MYOM2: variants seen among roughly 807,000 people sequenced by gnomAD.
MYOM2 encodes myomesin 2, also known as myomesin-2.
MYOM2 carries 254 observed loss-of-function variants against 187.6 expected under a neutral mutation model. That is an observed-to-expected ratio of 1.35 (90% CI 1.22 to 1.50). The LOEUF (loss-of-function observed/expected upper bound fraction) is 1.50. Ranked by LOEUF, MYOM2 falls within the 40% of genes most tolerant of loss-of-function variation. The probability of loss-of-function intolerance (pLI) is 0.00; values close to 1 mark genes in which losing one functional copy is unlikely to be tolerated. For missense variants in MYOM2, 2,796 were observed against 1,924.0 expected (o/e 1.45, Z -8.48); for synonymous variants, 981 against 753.8 (o/e 1.30, Z -4.94).
chr8:2,056,825 A>G (rs1234085775), intron 3 of MYOM2, among the ~76,000 whole-genome samples: 1 of 152,178 alleles, frequency 6.6e-6, no homozygotes, highest in Non-Finnish European at 1.5e-5. Context: ...CTGGGAAAGC[A>G]TCAAGCCGTT....
intron 32 of MYOM2, among the ~76,000 whole-genome samples, chr8:2,138,929 TTC>T (rs1226929688): frequency 6.6e-6 from 1 of 151,806 alleles, no homozygotes; most frequent in East Asian, 1.9e-4. Context: ...AACTCCCACT[TTC>T]TATCCGGACA....
intron 21 of MYOM2, among the ~76,000 whole-genome samples, chr8:2,104,639 C>T (rs912865033): frequency 6.6e-6 from 1 of 151,868 alleles, no homozygotes; most frequent in African/African-American, 2.4e-5. Context: ...TTATTTGGCT[C>T]ATGATTCTGG....
Position 2,116,292 on chromosome 8 carries a change from T to C in MYOM2, c.3385+17T>C, listed in dbSNP as rs370643467. 2.7e-5 allele frequency: 43 copies of C among 1,609,246 alleles called. No homozygotes were observed. Among genetic ancestry groups the C allele is most frequent in the Non-Finnish European group, 3.7e-5 (43 of 1,177,524 alleles). On this transcript the variant is annotated intron_variant, in intron 27 of 36. Coordinates refer to ENST00000262113, the MANE Select transcript of MYOM2 (RefSeq NM_003970.4). ...GGAAACAAGGTGAGTTTCCTCACTCTGACCGGCTCCCCTGCCCCTAGCATA... is the reference window on the plus strand; with the variant it reads ...GGAAACAAGGTGAGTTTCCTCACTCCGACCGGCTCCCCTGCCCCTAGCATA...
intron 18 of MYOM2, among the ~76,000 whole-genome samples, chr8:2,097,716 C>G (rs2116760653): frequency 6.6e-6 from 1 of 152,310 alleles, no homozygotes; most frequent in East Asian, 1.9e-4. Context: ...AGGGTTTCAC[C>G]ATGTTGCCCA....
intron 32 of MYOM2, among the ~76,000 whole-genome samples, chr8:2,135,680 C>A (rs1798044571): frequency 6.6e-6 from 1 of 152,118 alleles, no homozygotes; most frequent in African/African-American, 2.4e-5. Context: ...GGAATTTGGT[C>A]ATGTTTTGTA....
In MYOM2 at chr8:2,123,319, C is replaced by A; in HGVS notation, c.3521C>A (p.Thr1174Lys). 6.2e-7 allele frequency: 1 copy of A among 1,614,056 alleles called. No homozygotes were observed. Among genetic ancestry groups the A allele is most frequent in the Non-Finnish European group, 8.5e-7 (1 of 1,179,996 alleles). ...GATGATGTTCTGTATGAAACGGAGA[C>A]ACTGCCTAACCTGGAGAGGGGAATC... is the stretch of plus-strand genomic sequence containing the variant. ...LKDDVLYETE[T>K]LPNLERGICE... The change falls in exon 29 of 37, where the codon ACA becomes AAA. Residue 1174 changes from threonine (T) to lysine (K), a missense_variant. Thr to Lys is a moderately conservative substitution (Grantham distance 78). Transcript: ENST00000262113.
chr8:2,049,034 A>G (rs1054579307), intron 1 of MYOM2, among the ~76,000 whole-genome samples: 1 of 151,748 alleles, frequency 6.6e-6, no homozygotes, highest in Non-Finnish European at 1.5e-5. Context: ...CTCGTGATCC[A>G]CCCGCCTTGG....
At chr8:2,100,029 C>CTTCCTTCT (rs1796631067) in intron 19 of MYOM2, among the ~76,000 whole-genome samples, 1 of 69,156 alleles carries the variant, frequency 1.4e-5, no homozygotes, top group African/African-American at 3.8e-5. Flanking sequence ...TCCTTCCTTC[C>CTTCCTTCT]TTCTTTCCTT....
intron 1 of MYOM2, among the ~76,000 whole-genome samples, chr8:2,047,696 C>A (rs182523079): frequency 2.0e-5 from 3 of 152,204 alleles, no homozygotes; most frequent in African/African-American, 7.2e-5. Context: ...TGGGGATAAA[C>A]GTGGCAAAGT....
chr8:2,085,689 C>T (rs1317602381), intron 14 of MYOM2, among the ~76,000 whole-genome samples: 1 of 21,600 alleles, frequency 4.6e-5, no homozygotes, highest in African/African-American at 2.7e-4. Context: ...GTCGTGATCT[C>T]TGCGTGGCCC....
At chr8:2,143,882 A>T (rs1798365032) in intron 36 of MYOM2, among the ~76,000 whole-genome samples, 1 of 152,164 alleles carries the variant, frequency 6.6e-6, no homozygotes, top group Admixed American at 6.5e-5. Flanking sequence ...TTACAACACG[A>T]AGGAAAAAAA....
intron 1 of MYOM2, among the ~76,000 whole-genome samples, chr8:2,049,721 C>T (rs996589272): frequency 1.3e-5 from 2 of 152,208 alleles, no homozygotes; most frequent in Admixed American, 1.3e-4. Context: ...AAATTAATGA[C>T]TGCAGAGATT....
At chr8:2,079,283 A>T (rs1006206575) in intron 12 of MYOM2, among the ~76,000 whole-genome samples, 5 of 152,134 alleles carry the variant, frequency 3.3e-5, no homozygotes, top group African/African-American at 1.2e-4. Context: ...TTAATTTTGC[A>T]TGACACAGAT....
At position 2,088,594 on chromosome 8, in the gene MYOM2, A is replaced by T. The variant is rs953340280; in HGVS notation, c.1645-1414A>T. ...AGCTGCACCCATGTGGCTGCACAGG[A>T]CATGATTTCTTTCCTCTTTATGGCT... On this transcript the variant is annotated intron_variant, in intron 14 of 36. Coordinates refer to ENST00000262113, the MANE Select transcript of MYOM2 (RefSeq NM_003970.4). Among the ~76,000 whole-genome samples the T allele has an allele frequency of 1.4e-4, 22 of 152,326 alleles. No homozygotes were observed. In the South Asian group the frequency reaches 4.3e-3, roughly 30 times the overall value.
At chr8:2,087,392 G>T (rs1021139719) in intron 14 of MYOM2, among the ~76,000 whole-genome samples, 4 of 152,108 alleles carry the variant, frequency 2.6e-5, no homozygotes, top group African/African-American at 9.7e-5. Context: ...GGCCTTCTCT[G>T]GTTATTTGCA....
chr8:2,085,585 C>CCGCGTGGCCCCACTGTTGTGATCTT (rs1554546551), intron 14 of MYOM2, among the ~76,000 whole-genome samples, 195 bp downstream of exon 14: 1 of 3,610 alleles, frequency 2.8e-4, no homozygotes, highest in Non-Finnish European at 4.4e-4. Flanking sequence ...GTTGTGATCT[C>CCGCGTGGCCCCACTGTTGTGATCTT]TGCGTGGCCC....
At chr8:2,117,225 G>T (rs1319850494) in intron 27 of MYOM2, among the ~76,000 whole-genome samples, 12 of 151,782 alleles carry the variant, frequency 7.9e-5, no homozygotes, top group Non-Finnish European at 1.6e-4. Flanking sequence ...AACATTTTTG[G>T]GCCAACTTTG....
chr8:2,137,722 G>C (rs1172959860), intron 32 of MYOM2, among the ~76,000 whole-genome samples: 1 of 152,152 alleles, frequency 6.6e-6, no homozygotes, highest in East Asian at 1.9e-4. Flanking sequence ...TGTTTCCTTG[G>C]ATGGGGTACA....
intron 3 of MYOM2, among the ~76,000 whole-genome samples, chr8:2,055,857 T>G (rs116973439): frequency 0.021 from 3,218 of 152,154 alleles, 123 homozygotes; most frequent in South Asian, 0.093. Context: ...CCCCTCCAGC[T>G]CCGATACCGG....
Sources: gnomAD v4.1 joint callset for allele counts (sites outside exome capture counted in the v4.1 genomes callset) on GRCh38, gnomAD v4.1.1 for gene constraint, MANE v1.5 for transcripts, NCBI Gene and HGNC (gene_info 2026-07-23, HGNC 2026-07-21) for gene names.